The following TRABD2B variants were observed in gnomAD, a reference collection of about 807,000 sequenced individuals.
TRABD2B encodes TraB domain containing 2B, also known as metalloprotease TIKI2.
TRABD2B carries 14 observed loss-of-function variants against 40.1 expected under a neutral mutation model. The ratio of observed to expected loss-of-function variants is 0.35; its 90% confidence interval spans 0.23 to 0.55. The LOEUF is 0.55. TRABD2B is among the 20% of genes least tolerant of loss of function. The pLI, the probability that TRABD2B is intolerant of heterozygous loss-of-function variation, is 0.90. For synonymous variants in TRABD2B, 263 were observed against 277.0 expected, an observed-to-expected ratio of 0.95 and a Z score of 0.50; for missense variants, 541 against 648.6, an observed-to-expected ratio of 0.83 and a Z score of 1.80.
intron 2 of TRABD2B, among the ~76,000 whole-genome samples, chr1:47,993,166 T>C (rs1037589259): frequency 2.0e-5 from 3 of 152,198 alleles, no homozygotes; most frequent in Admixed American, 1.3e-4. Context: ...GGGGCCTCCT[T>C]GAAGGAGTCC....
intron 2 of TRABD2B, among the ~76,000 whole-genome samples, chr1:47,873,025 G>A (rs2124597605): frequency 6.6e-6 from 1 of 152,312 alleles, no homozygotes; most frequent in Non-Finnish European, 1.5e-5. Context: ...CCCACTTCCT[G>A]CAATCATAGA....
At chr1:47,768,358 T>C (rs570143787) in intron 6 of TRABD2B, among the ~76,000 whole-genome samples, 1 of 152,126 alleles carries the variant, frequency 6.6e-6, no homozygotes, top group African/African-American at 2.4e-5. Flanking sequence ...TGGCTTCCAA[T>C]GTCCCTTACA....
chr1:47,861,584 A>C (rs1643971725), intron 2 of TRABD2B, among the ~76,000 whole-genome samples: 1 of 152,250 alleles, frequency 6.6e-6, no homozygotes, highest in African/African-American at 2.4e-5. Flanking sequence ...AGACAATCTG[A>C]ATAGGCCCAT....
At chr1:47,844,241 C>G (rs1173230476) in intron 2 of TRABD2B, among the ~76,000 whole-genome samples, 2 of 152,174 alleles carry the variant, frequency 1.3e-5, no homozygotes, top group South Asian at 2.1e-4. Context: ...ATAGGCCACC[C>G]TTTGAATAGG....
At chr1:47,918,416 C>T (rs1025312207) in intron 2 of TRABD2B, among the ~76,000 whole-genome samples, 5 of 152,192 alleles carry the variant, frequency 3.3e-5, no homozygotes, top group African/African-American at 1.2e-4. Flanking sequence ...CTATTAGCCA[C>T]ATTTTACAGA....
At chr1:47,802,568 T>C (rs1030035526) in intron 2 of TRABD2B, among the ~76,000 whole-genome samples, 2 of 152,164 alleles carry the variant, frequency 1.3e-5, no homozygotes, top group African/African-American at 4.8e-5. Context: ...AAAAACTTGG[T>C]CCCTGTACAG....
chr1:47,893,491 C>T (rs754032794), intron 2 of TRABD2B, among the ~76,000 whole-genome samples: 2 of 152,170 alleles, frequency 1.3e-5, no homozygotes, highest in African/African-American at 2.4e-5. Flanking sequence ...TGGGTGTTGC[C>T]TTTTTAGGAA....
chr1:47,783,657 T>G lies in TRABD2B; in HGVS notation c.989-5113A>C, dbSNP rs145906967. 2.1e-3 allele frequency among the ~76,000 whole-genome samples: 327 copies of G among 152,332 alleles called. 2 individuals carry two copies. Among genetic ancestry groups the G allele is most frequent in the Admixed American group, 6.5e-3 (100 of 15,304 alleles). ...ACAAACAGGAAGAGGTTCCCTGCTC[T>G]GAGCAGGTGCAGCCCCCATGATGTT... is the stretch of plus-strand genomic sequence containing the variant. On this transcript the variant is annotated intron_variant, in intron 4 of 6. Transcript: ENST00000606738.
At chr1:47,784,122 G>C (rs1256423436) in intron 4 of TRABD2B, among the ~76,000 whole-genome samples, 1 of 152,104 alleles carries the variant, frequency 6.6e-6, no homozygotes, top group African/African-American at 2.4e-5. Context: ...GGTGTTGCCA[G>C]TTTCCAGATG....
chr1:47,802,701 C>T (rs1569983589), intron 2 of TRABD2B, among the ~76,000 whole-genome samples: 1 of 152,112 alleles, frequency 6.6e-6, no homozygotes, highest in Admixed American at 6.5e-5. Context: ...GCCTTGTCAC[C>T]CACCTCAATT....
chr1:47,798,900 C>T (rs1021967112), intron 3 of TRABD2B, among the ~76,000 whole-genome samples: 1 of 152,176 alleles, frequency 6.6e-6, no homozygotes, highest in African/African-American at 2.4e-5. Context: ...ACCCTGACAC[C>T]AGGCTTTTCT....
chr1:47,824,291 G>A (rs1476963307), intron 2 of TRABD2B, among the ~76,000 whole-genome samples: 5 of 152,130 alleles, frequency 3.3e-5, no homozygotes, highest in South Asian at 4.1e-4. Flanking sequence ...TCCAGTTCCC[G>A]CCAGTTCCAC....
intron 2 of TRABD2B, among the ~76,000 whole-genome samples, chr1:47,816,585 T>C (rs1434638307): frequency 6.6e-6 from 1 of 152,200 alleles, no homozygotes; most frequent in Non-Finnish European, 1.5e-5. Context: ...CTTTGCCTCC[T>C]TAACTTGTAA....
At chr1:47,792,789 G>C (rs998019207) in intron 4 of TRABD2B, among the ~76,000 whole-genome samples, 2 of 152,126 alleles carry the variant, frequency 1.3e-5, no homozygotes, top group Non-Finnish European at 2.9e-5. Context: ...CTACTCAGGT[G>C]GGGTGTGTAG....
intron 6 of TRABD2B, among the ~76,000 whole-genome samples, chr1:47,772,541 C>G (rs762706957): frequency 6.6e-6 from 1 of 151,916 alleles, no homozygotes; most frequent in Admixed American, 6.6e-5. Flanking sequence ...GGGGCCAGGA[C>G]GACAGGTGCA....
At chr1:47,872,861 G>A (rs1486327350) in intron 2 of TRABD2B, among the ~76,000 whole-genome samples, 1 of 152,128 alleles carries the variant, frequency 6.6e-6, no homozygotes, top group East Asian at 1.9e-4. Context: ...TCCTGTGCCT[G>A]ACAGACAATG....
chr1:47,803,368 T>C (rs115287526), intron 2 of TRABD2B, among the ~76,000 whole-genome samples: 1 of 152,158 alleles, frequency 6.6e-6, no homozygotes, highest in Admixed American at 6.5e-5. Flanking sequence ...AGTAGTTACG[T>C]GCTGCTGATG....
chr1:47,978,097 G>A (rs959722182), intron 2 of TRABD2B, among the ~76,000 whole-genome samples: 24 of 152,234 alleles, frequency 1.6e-4, no homozygotes, highest in African/African-American at 5.1e-4. Context: ...CCAATGTGAC[G>A]GTATTAGGAA....
chr1:47,983,191 G>A (rs1645866255), intron 2 of TRABD2B, among the ~76,000 whole-genome samples: 2 of 152,176 alleles, frequency 1.3e-5, no homozygotes, highest in African/African-American at 4.8e-5. Context: ...GAACACGGAT[G>A]GAGCTAGAAG....
Sources: gnomAD v4.1 joint callset for allele counts (sites outside exome capture counted in the v4.1 genomes callset) on GRCh38, gnomAD v4.1.1 for gene constraint, MANE v1.5 for transcripts, NCBI Gene and HGNC (gene_info 2026-07-23, HGNC 2026-07-21) for gene names.